Variants in PCDH9 observed in about 807,000 individuals in gnomAD.
PCDH9 encodes protocadherin-9.
A neutral mutation model predicts 70.6 loss-of-function variants in PCDH9; 24 were observed. The ratio of observed to expected loss-of-function variants is 0.34; its 90% CI spans 0.25 to 0.48. The LOEUF is 0.48. Ranked by LOEUF, PCDH9 falls within the 20% of genes least tolerant of loss-of-function variation. PCDH9 has a pLI of 0.99. For synonymous variants in PCDH9, 562 were observed against 558.5 expected (o/e 1.01, Z -0.09); for missense variants, 1,281 against 1,503.6 (o/e 0.85, Z 2.45).
intron 4 of PCDH9, among the ~76,000 whole-genome samples, chr13:66,406,315 G>T (rs929210032): frequency 2.6e-5 from 4 of 152,150 alleles, no homozygotes; most frequent in Non-Finnish European, 4.4e-5. Flanking sequence ...CTTCAGCGAT[G>T]AAACAAGATA....
intron 2 of PCDH9, among the ~76,000 whole-genome samples, chr13:67,064,462 A>G (rs2085601811): frequency 6.6e-6 from 1 of 152,210 alleles, no homozygotes; most frequent in Admixed American, 6.6e-5. Context: ...ATAATAAGGA[A>G]TAACTATTTT....
At chr13:67,090,971 C>A (rs2086206396) in intron 2 of PCDH9, among the ~76,000 whole-genome samples, 1 of 152,018 alleles carries the variant, frequency 6.6e-6, no homozygotes, top group Non-Finnish European at 1.5e-5. Flanking sequence ...TTTTGTTTAA[C>A]ATTAGAGAGA....
At chr13:67,002,184 G>T (rs9645951) in intron 2 of PCDH9, among the ~76,000 whole-genome samples, 13,902 of 152,042 alleles carry the variant, frequency 0.091, 743 homozygotes, top group Non-Finnish European at 0.12. Context: ...AATATAGAAA[G>T]CAGAGTAATT....
chr13:66,607,172 T>C (rs1186485354), intron 4 of PCDH9, among the ~76,000 whole-genome samples: 1 of 152,104 alleles, frequency 6.6e-6, no homozygotes, highest in African/African-American at 2.4e-5. Flanking sequence ...AAGTAAGTTG[T>C]TTAAAACTTA....
chr13:66,620,756 C>T (rs73198504), intron 4 of PCDH9, among the ~76,000 whole-genome samples: 36,580 of 151,564 alleles, frequency 0.24, 4,914 homozygotes, highest in Middle Eastern at 0.34. Flanking sequence ...CTTCATAGCT[C>T]ATAGAACAAA....
At chr13:66,882,877 A>C (rs2081944921) in intron 3 of PCDH9, among the ~76,000 whole-genome samples, 1 of 152,216 alleles carries the variant, frequency 6.6e-6, no homozygotes, top group Non-Finnish European at 1.5e-5. Context: ...TTGAAGATAA[A>C]TAATACTGAC....
At chr13:66,428,042 T>C (rs1353595345) in intron 4 of PCDH9, among the ~76,000 whole-genome samples, 1 of 151,710 alleles carries the variant, frequency 6.6e-6, no homozygotes, top group East Asian at 1.9e-4. Context: ...TGATGAAAAA[T>C]ATGTTATTGA....
intron 4 of PCDH9, among the ~76,000 whole-genome samples, chr13:66,615,330 T>C (rs1442180076): frequency 6.6e-6 from 1 of 152,212 alleles, no homozygotes; most frequent in Non-Finnish European, 1.5e-5. Context: ...TTTTTGTGAA[T>C]AATGCTAATA....
At chr13:67,056,712 C>T (rs1048828195) in intron 2 of PCDH9, among the ~76,000 whole-genome samples, 1 of 151,994 alleles carries the variant, frequency 6.6e-6, no homozygotes, top group African/African-American at 2.4e-5. Context: ...TTGGTTATGA[C>T]GTATTATGAC....
intron 4 of PCDH9, among the ~76,000 whole-genome samples, chr13:66,448,597 A>G (rs940631282): frequency 6.6e-6 from 1 of 152,214 alleles, no homozygotes; most frequent in Non-Finnish European, 1.5e-5. Flanking sequence ...GTATAAAATC[A>G]CATGCAGTTT....
intron 4 of PCDH9, among the ~76,000 whole-genome samples, chr13:66,557,970 T>C (rs1484282729): frequency 1.3e-5 from 2 of 152,084 alleles, no homozygotes; most frequent in Non-Finnish European, 2.9e-5. Context: ...GTGGGCAACA[T>C]GGAGAGACCC....
intron 2 of PCDH9, among the ~76,000 whole-genome samples, chr13:67,195,505 C>A (rs940182445): frequency 6.6e-6 from 1 of 151,972 alleles, no homozygotes; most frequent in African/African-American, 2.4e-5. Context: ...GATGGAAATA[C>A]CAGTTTGAAA....
chr13:66,902,931 T>C (rs2082301091), intron 3 of PCDH9, among the ~76,000 whole-genome samples: 1 of 151,848 alleles, frequency 6.6e-6, no homozygotes, highest in African/African-American at 2.4e-5. Flanking sequence ...ATGGATCTTC[T>C]ACCTTTTAAT....
chr13:66,499,496 G>A (rs538715610), intron 4 of PCDH9, among the ~76,000 whole-genome samples: 1 of 152,252 alleles, frequency 6.6e-6, no homozygotes, highest in East Asian at 1.9e-4. Context: ...AAATCATGAT[G>A]CTCAAGATGG....
chr13:66,909,048 CAG>C (rs1254512985), intron 2 of PCDH9, among the ~76,000 whole-genome samples: 4 of 151,906 alleles, frequency 2.6e-5, no homozygotes, highest in Admixed American at 6.6e-5. Context: ...CTATAGTATA[CAG>C]AGTCTGTTTT....
intron 4 of PCDH9, among the ~76,000 whole-genome samples, chr13:66,364,209 C>T (rs886501636): frequency 2.0e-5 from 3 of 151,912 alleles, no homozygotes; most frequent in East Asian, 1.9e-4. Flanking sequence ...TTCTCATATC[C>T]GTTTTACTTT....
At chr13:67,014,490 T>C (rs2084517905) in intron 2 of PCDH9, among the ~76,000 whole-genome samples, 1 of 152,138 alleles carries the variant, frequency 6.6e-6, no homozygotes, top group African/African-American at 2.4e-5. Flanking sequence ...TGATTTTCTG[T>C]TGATAACATC....
At chr13:67,043,939 T>C (rs542588334) in intron 2 of PCDH9, among the ~76,000 whole-genome samples, 2 of 152,286 alleles carry the variant, frequency 1.3e-5, no homozygotes, top group South Asian at 4.1e-4. Context: ...TTTAAATGCA[T>C]GGAAACTTCA....
At chr13:66,450,012 A>C (rs944967260) in intron 4 of PCDH9, among the ~76,000 whole-genome samples, 3 of 152,182 alleles carry the variant, frequency 2.0e-5, no homozygotes, top group Non-Finnish European at 4.4e-5. Context: ...TCATTATAAA[A>C]TATAAAGGAG....
Sources: allele counts gnomAD v4.1 joint callset (sites outside exome capture counted in the v4.1 genomes callset), GRCh38; gene constraint gnomAD v4.1.1; transcripts MANE v1.5; gene names NCBI Gene and HGNC (gene_info 2026-07-23, HGNC 2026-07-21).